The following ZC3H7B variants were observed in gnomAD, a reference collection of about 807,000 sequenced individuals.
The protein encoded by ZC3H7B is zinc finger CCCH domain-containing protein 7B.
In ZC3H7B, 35 loss-of-function variants were observed where a neutral mutation model predicts 116.0. The observed-to-expected ratio is 0.30, with a 90% CI of 0.23 to 0.40. The LOEUF (loss-of-function observed/expected upper bound fraction) is 0.40. ZC3H7B is among the 10% of genes least tolerant of loss of function. The pLI, the probability that ZC3H7B is intolerant of heterozygous loss-of-function variation, is 1.00. For missense variants in ZC3H7B, 1,011 were observed against 1,321.5 expected, an observed-to-expected ratio of 0.77 and a Z score of 3.64; for synonymous variants, 502 against 545.6, an observed-to-expected ratio of 0.92 and a Z score of 1.11.
intron 1 of ZC3H7B, among the ~76,000 whole-genome samples, chr22:41,320,331 CAAAA>C (rs74353356): frequency 3.7e-4 from 32 of 86,442 alleles, no homozygotes; most frequent in African/African-American, 9.8e-4. Flanking sequence ...ACTCTGTATC[CAAAA>C]AAAAAAAAAA....
intron 2 of ZC3H7B, among the ~76,000 whole-genome samples, chr22:41,323,203 G>T (rs1444674144): frequency 6.6e-6 from 1 of 152,198 alleles, no homozygotes; most frequent in Non-Finnish European, 1.5e-5. Flanking sequence ...TGCTGCCATG[G>T]CTGGGAGTTT....
At chr22:41,356,318 T>C in intron 20 of ZC3H7B, 25 bp from the exon 21 acceptor site, 2 of 1,613,422 alleles carry the variant, frequency 1.2e-6, no homozygotes, top group Non-Finnish European at 1.7e-6. Context: ...CCTCAGCAGG[T>C]GCCCTGTCCC....
At chr22:41,350,670 G>A (rs1168427982) in intron 16 of ZC3H7B, among the ~76,000 whole-genome samples, 1 of 152,230 alleles carries the variant, frequency 6.6e-6, no homozygotes, top group African/African-American at 2.4e-5. Context: ...CAGGCTGTAA[G>A]AGGAGCAGCT....
Position 41,324,451 on chromosome 22 carries a change from C to G in ZC3H7B, c.54-1113C>G, listed in dbSNP as rs142059324. 3.4e-3 allele frequency among the ~76,000 whole-genome samples: 513 copies of G among 152,360 alleles called. 13 individuals carry two copies. Among genetic ancestry groups the G allele is most frequent in the Admixed American group, 0.028 (425 of 15,314 alleles). ...TCCCCAGCCCTGCATCCGATGCCTT[C>G]CTGCCAAGCAGCCTTGGGCGAGTCC... On this transcript the variant is annotated intron_variant, in intron 2 of 22. Coordinates refer to ENST00000352645, the MANE Select transcript of ZC3H7B (RefSeq NM_017590.6).
intron 9 of ZC3H7B, among the ~76,000 whole-genome samples, 160 bp from the exon 10 acceptor site, chr22:41,339,656 T>C (rs961041196): frequency 2.0e-5 from 3 of 149,972 alleles, no homozygotes; most frequent in African/African-American, 7.4e-5. Flanking sequence ...AGCTGCACAA[T>C]GTCTGGCCAG....
At chr22:41,350,305 T>G (rs2036640046) in intron 16 of ZC3H7B, among the ~76,000 whole-genome samples, 1 of 152,188 alleles carries the variant, frequency 6.6e-6, no homozygotes, top group South Asian at 2.1e-4. Context: ...TAAGAGTCTC[T>G]AGGCCTTAAA....
At chr22:41,341,809 A>C (rs2036526244) in intron 11 of ZC3H7B, among the ~76,000 whole-genome samples, 1 of 152,012 alleles carries the variant, frequency 6.6e-6, no homozygotes, top group Non-Finnish European at 1.5e-5. Flanking sequence ...CATGCCTATA[A>C]TCCCAGCACT....
chr22:41,316,967 C>T (rs941876799), intron 1 of ZC3H7B, among the ~76,000 whole-genome samples: 4 of 152,042 alleles, frequency 2.6e-5, no homozygotes, highest in East Asian at 1.9e-4. Context: ...CTCAGCCTCC[C>T]GAGTAGCTGG....
rs2036547635 is a variant in ZC3H7B at position 41,343,479 on chromosome 22, G to A, written c.1362G>A (p.Leu454=). ...AGCACAAGTGCAAGCGGGACATCCT[G>A]CTCGGCCGGCTCCGGAGCTCGGAGG... ...GLEHKCKRDI[L]LGRLRSSEDQ... The change falls in exon 13 of 23, where the codon CTG becomes CTA. Residue 454 remains leucine (L), a synonymous_variant. Transcript: ENST00000352645. The A allele has an allele frequency of 1.2e-6, 2 of 1,613,758 alleles. No individual in the cohort carries two copies. The highest frequency in any genetic ancestry group is 8.5e-7 in the Non-Finnish European group (1 of 1,179,928).
intron 1 of ZC3H7B, among the ~76,000 whole-genome samples, chr22:41,310,182 G>A (rs2036100101): frequency 6.6e-6 from 1 of 152,146 alleles, no homozygotes; most frequent in Admixed American, 6.6e-5. Context: ...TCCAGCCTGG[G>A]CGACAGAGCG....
At chr22:41,352,486 C>A (rs1010125255) in intron 17 of ZC3H7B, among the ~76,000 whole-genome samples, 3 of 152,208 alleles carry the variant, frequency 2.0e-5, no homozygotes, top group Admixed American at 6.5e-5. Flanking sequence ...AGAGGCCCGG[C>A]GCAGTGGCTC....
Position 41,340,050 on chromosome 22 carries a change from C to T in ZC3H7B, c.1051C>T (p.Leu351=). 1.2e-6 allele frequency: 2 copies of T among 1,611,780 alleles called. No individual in the cohort carries two copies. The highest frequency in any genetic ancestry group is 2.2e-5 in the East Asian group (1 of 44,862). The change falls in exon 10 of 23, where the codon CTG becomes TTG. Residue 351 remains leucine (L), a synonymous_variant. Transcript: ENST00000352645. The stretch of plus-strand genomic sequence containing the variant: ...GGGCCCCACGCTGGACCCCCTGGAC[C>T]TGCTGCCGTACTCGGAGACCCGGCT... ...PPGPTLDPLD[L]LPYSETRLDA... is the part of the protein sequence containing the mutation.
chr22:41,313,401 C>T (rs1367340172), intron 1 of ZC3H7B, among the ~76,000 whole-genome samples: 7 of 152,124 alleles, frequency 4.6e-5, no homozygotes, highest in African/African-American at 1.4e-4. Context: ...CGTGAGCCAC[C>T]GTACCCGGCC....
At chr22:41,307,799 C>T (rs1601759385) in intron 1 of ZC3H7B, among the ~76,000 whole-genome samples, 4 of 152,174 alleles carry the variant, frequency 2.6e-5, no homozygotes. Flanking sequence ...ACTAAGTTAA[C>T]ACTTCTGAGA....
At chr22:41,325,652 G>A in intron 3 of ZC3H7B, 55 bp downstream of exon 3, 2 of 1,608,698 alleles carry the variant, frequency 1.2e-6, no homozygotes, top group Non-Finnish European at 1.7e-6. Flanking sequence ...GTGCAGGGGA[G>A]AGGCGTGGGC....
intron 1 of ZC3H7B, among the ~76,000 whole-genome samples, chr22:41,310,918 C>T (rs1012848322): frequency 6.6e-6 from 1 of 151,998 alleles, no homozygotes; most frequent in African/African-American, 2.4e-5. Context: ...GTGCCCGCCA[C>T]CACCCCCGGC....
At chr22:41,355,158 C>T (rs2036697742) in intron 17 of ZC3H7B, among the ~76,000 whole-genome samples, 1 of 152,212 alleles carries the variant, frequency 6.6e-6, no homozygotes, top group African/African-American at 2.4e-5. Context: ...CGGGAACAGC[C>T]TGTACAAACG....
chr22:41,357,847 T>G lies in ZC3H7B; in HGVS notation c.*418T>G. On this transcript the variant is annotated 3_prime_UTR_variant, in exon 23 of 23. Coordinates refer to ENST00000352645, the MANE Select transcript of ZC3H7B (RefSeq NM_017590.6). This position sits in a 1 kb window ranked among gnomAD's most constrained non-coding sequence, Gnocchi z 5.4. ...CCTGGCCCGTCCTCCTCCCACCCCC[T>G]CCCCCTGGGGGCAAATCAGGACACA... is the stretch of plus-strand genomic sequence containing the variant. 1 of 221,254 alleles carries G rather than the reference T, an allele frequency of 4.5e-6. No homozygotes were observed. The highest frequency in any genetic ancestry group is 8.3e-5 in the South Asian group (1 of 12,112). 13.7% of individuals were successfully genotyped at this position (221,254 alleles called of 1,614,324 possible). A position where few individuals can be genotyped will look rare whatever the true frequency, so the allele number is the denominator to read the frequency against.
chr22:41,342,483 C>T, intron 11 of ZC3H7B, 46 bp from the exon 12 acceptor site: 1 of 1,593,476 alleles, frequency 6.3e-7, no homozygotes, highest in Non-Finnish European at 8.6e-7. Flanking sequence ...CCAGTGGCCT[C>T]AGCCATCATC....
Sources: gnomAD v4.1 joint callset for allele counts (sites outside exome capture counted in the v4.1 genomes callset) on GRCh38, gnomAD v4.1.1 for gene constraint, Gnocchi (gnomAD v3.1) non-coding constraint, MANE v1.5 for transcripts, NCBI Gene and HGNC (gene_info 2026-07-23, HGNC 2026-07-21) for gene names.